Variants in MDN1 observed in about 807,000 individuals in gnomAD.
MDN1 encodes midasin.
A neutral mutation model predicts 669.2 loss-of-function variants in MDN1; 266 were observed. That is an observed-to-expected ratio of 0.40 (90% CI 0.36 to 0.44). The LOEUF is 0.44. Ranked by LOEUF, MDN1 falls within the 20% of genes least tolerant of loss-of-function variation. MDN1 has a pLI of 1.00. For missense variants in MDN1, 5,940 were observed against 6,754.0 expected, an observed-to-expected ratio of 0.88 and a Z score of 4.22; for synonymous variants, 2,385 against 2,457.1, an observed-to-expected ratio of 0.97 and a Z score of 0.87.
Position 89,688,634 on chromosome 6 carries a change from C to A in MDN1, c.11198G>T (p.Gly3733Val). 1 of 1,614,122 alleles carries A rather than the reference C, an allele frequency of 6.2e-7. No homozygotes were observed. The highest frequency in any genetic ancestry group is 8.5e-7 in the Non-Finnish European group (1 of 1,180,032). The change falls in exon 66 of 102, where the codon GGT becomes GTT. Residue 3733 changes from glycine (G) to valine (V), a missense_variant. Transcript: ENST00000369393. ...EARQCQPVLQGFSEAVSHLLQ... is the reference protein window; with the variant it reads ...EARQCQPVLQVFSEAVSHLLQ... ...CAAGTGACTGACAGCCTCTGAGAAACCTTGAAGCACAGGTTGACACTGCCG... is the reference window on the plus strand; with the variant it reads ...CAAGTGACTGACAGCCTCTGAGAAAACTTGAAGCACAGGTTGACACTGCCG...
chr6:89,802,215 C>T (rs904485785), intron 2 of MDN1, among the ~76,000 whole-genome samples: 1 of 152,132 alleles, frequency 6.6e-6, no homozygotes, highest in Non-Finnish European at 1.5e-5. Context: ...TTCCATTAAA[C>T]CAGGTCCATT....
In MDN1 at chr6:89,780,231, G is replaced by T. The variant is rs553316949; in HGVS notation, c.1706C>A (p.Ser569Ter). The change falls in exon 11 of 102, where the codon TCA becomes TAA. Residue 569 changes from serine to a stop codon, truncating the protein, a stop_gained. Transcript: ENST00000369393. LOFTEE classifies it high-confidence loss of function. ...TCTTACCTCTTGAAAAATATTTAAT[G>T]ATGCTGATAAAGATGAACTGTCAAA... Reference protein sequence around the residue: ...HSFDSSSLSASLNIFQEALDC... With the variant: ...HSFDSSSLSA 1 of 1,572,888 alleles carries T rather than the reference G, an allele frequency of 6.4e-7. No homozygotes were observed. The highest frequency in any genetic ancestry group is 1.4e-5 in the African/African-American group (1 of 72,752).
rs558208698 is a variant in MDN1, at chr6:89,680,625, G to A, written c.12229C>T (p.Leu4077=). ...MCLTFMKESP[L]PRLVEGLDQF... ...TCAAGGCCCTCCACAAGGCGAGGCA[G>A]GGGGCTCTCCTTCATGAACGTCAGG... is the stretch of plus-strand genomic sequence containing the variant. The change falls in exon 74 of 102, where the codon CTG becomes TTG. Residue 4077 remains leucine (L), a synonymous_variant. Coordinates refer to ENST00000369393, the MANE Select transcript of MDN1 (RefSeq NM_014611.3). The A allele has an allele frequency of 4.7e-5, 76 of 1,614,040 alleles. No individual in the cohort carries two copies. The highest frequency in any genetic ancestry group is 6.0e-5 in the Non-Finnish European group (71 of 1,180,032).
intron 45 of MDN1, among the ~76,000 whole-genome samples, chr6:89,715,116 A>G (rs1814260286): frequency 6.6e-6 from 1 of 152,196 alleles, no homozygotes; most frequent in Non-Finnish European, 1.5e-5. Flanking sequence ...ATGCCCATCA[A>G]CATCTCCATC....
Position 89,674,552 on chromosome 6 carries a change from G to C in MDN1, c.12799C>G (p.Leu4267Val), listed in dbSNP as rs767202357. 6 of 1,592,470 alleles carry C rather than the reference G, an allele frequency of 3.8e-6. No individual in the cohort carries two copies. Among genetic ancestry groups the C allele is most frequent in the Non-Finnish European group, 3.4e-6 (4 of 1,174,270 alleles). ...ACGGGGTAGGCCTGGGGCCCCATCA[G>C]CCTGCTGTGAATCTCTTGCACACAG... ...LSCVQEIHSR[L>V]MGPQAYPVAF... Residue 4267 changes from leucine to valine, a missense_variant, in exon 79 of 102, where the codon CTG (leucine) becomes GTG (valine). Leu to Val is a conservative substitution (Grantham distance 32). Around this residue, in one of 5 missense-constraint regions of MDN1, gnomAD observed 2,280 missense variants for 2,576.3 expected, o/e 0.88. Coordinates refer to ENST00000369393, the MANE Select transcript of MDN1 (RefSeq NM_014611.3).
In MDN1 at chr6:89,650,189, A is replaced by G. The variant is rs1808753427; in HGVS notation, c.16041T>C (p.Tyr5347=). 2 of 1,613,820 alleles carry G rather than the reference A, an allele frequency of 1.2e-6. No homozygotes were observed. Among genetic ancestry groups the G allele is most frequent in the African/African-American group, 2.7e-5 (2 of 74,920 alleles). The change falls in exon 97 of 102, where the codon TAT becomes TAC. Residue 5347 remains tyrosine (Y), a synonymous_variant. Coordinates refer to ENST00000369393, the MANE Select transcript of MDN1 (RefSeq NM_014611.3). The part of the protein sequence containing the change: ...PTQAAKLKGD[Y]RTGKRLNIRK... The stretch of plus-strand genomic sequence containing the variant: ...GTATGTTTAGTCGTTTCCCAGTTCG[A>G]TAGTCTCCTCTATTTATTCAAATGG...
intron 43 of MDN1, among the ~76,000 whole-genome samples, chr6:89,717,997 T>C (rs1470658759): frequency 6.6e-6 from 1 of 152,192 alleles, no homozygotes; most frequent in Non-Finnish European, 1.5e-5. Flanking sequence ...CACAAATGAA[T>C]AAACACATCC....
chr6:89,646,292 C>G (rs1808486330), intron 100 of MDN1, among the ~76,000 whole-genome samples: 1 of 152,180 alleles, frequency 6.6e-6, no homozygotes, highest in Admixed American at 6.5e-5. Flanking sequence ...TAAATCTGAA[C>G]TCAAGTAAGT....
At chr6:89,732,465 G>GTA in intron 34 of MDN1, 92 bp downstream of exon 34, 1 of 1,072,986 alleles carries the variant, frequency 9.3e-7, no homozygotes, top group Non-Finnish European at 1.4e-6. Context: ...AAGTGATTCA[G>GTA]TAAAATAGCT....
intron 67 of MDN1, 34 bp from the exon 68 acceptor site, chr6:89,687,472 T>A (rs778833599): frequency 6.3e-7 from 1 of 1,575,708 alleles, no homozygotes. Flanking sequence ...ACTACAGATA[T>A]TATTCAATGC....
In MDN1 at chr6:89,673,288, C is replaced by T. The variant is rs1810957212; in HGVS notation, c.13422G>A (p.Met4474Ile). The T allele has an allele frequency of 1.2e-6, 2 of 1,614,046 alleles. No individual in the cohort carries two copies. ...GGGTCTTCCAGGTAGTAAAGTCAGCCATGGCTTTACTAATTTCTCCTCTTA... is the reference window on the plus strand; with the variant it reads ...GGGTCTTCCAGGTAGTAAAGTCAGCTATGGCTTTACTAATTTCTCCTCTTA... ...EYVRGEISKAMADFTTWKTHL... is the reference protein window; with the variant it reads ...EYVRGEISKAIADFTTWKTHL... The change falls in exon 80 of 102, where the codon ATG (methionine) becomes ATA (isoleucine). Residue 4474 changes from methionine to isoleucine, a missense_variant. This residue lies in a region of MDN1 where 2,280 missense variants were observed against 2,576.3 expected (regional missense o/e 0.88). Transcript: ENST00000369393.
chr6:89,674,280 G>T lies in MDN1; in HGVS notation c.13071C>A (p.Ser4357Arg), dbSNP rs770155179. Residue 4357 changes from serine to arginine, a missense_variant, in exon 79 of 102, where the codon AGC becomes AGA. By Grantham distance (110) the Ser-to-Arg change is moderately radical. This residue lies in a region of MDN1 where 2,280 missense variants were observed against 2,576.3 expected (regional missense o/e 0.88). Coordinates refer to ENST00000369393, the MANE Select transcript of MDN1 (RefSeq NM_014611.3). ...GACTTCCAGGTATTGGAGATGGGTA[G>T]CTCAGATTGGAAGGAATTAGGTCCA... The part of the protein sequence containing the change: ...VVLDLIPSNL[S>R]YPSPIPGSQL... The T allele has an allele frequency of 1.2e-6, 2 of 1,614,248 alleles. No homozygotes were observed. Among genetic ancestry groups the T allele is most frequent in the South Asian group, 2.2e-5 (2 of 91,088 alleles).
intron 37 of MDN1, among the ~76,000 whole-genome samples, chr6:89,726,954 G>A (rs903528819): frequency 1.4e-4 from 22 of 151,996 alleles, no homozygotes; most frequent in African/African-American, 3.4e-4. Flanking sequence ...ATGTCTTGTC[G>A]TCCCTGAATG....
At position 89,768,734 on chromosome 6, in the gene MDN1, C is replaced by G. The variant is rs4706351; in HGVS notation, c.2144+2827G>C. On this transcript the variant is annotated intron_variant, in intron 15 of 101. Coordinates refer to ENST00000369393, the MANE Select transcript of MDN1 (RefSeq NM_014611.3). ...GCTGGGCAACAGAGTGAGACCCTGTCCCCCCCCAAAAAAAGAGTTAAAATT... is the reference window on the plus strand; with the variant it reads ...GCTGGGCAACAGAGTGAGACCCTGTGCCCCCCCAAAAAAAGAGTTAAAATT... 7.9e-5 allele frequency among the ~76,000 whole-genome samples: 12 copies of G among 151,386 alleles called. No individual in the cohort carries two copies. The South Asian group carries it at 1.3e-3, about 16-fold the overall frequency.
Position 89,712,468 on chromosome 6 carries a change from T to C in MDN1, c.7430+107A>G, listed in dbSNP as rs1392226458. 3.4e-6 allele frequency: 4 copies of C among 1,169,490 alleles called. No individual in the cohort carries two copies. The Admixed American group carries it at 7.5e-5, about 22-fold the overall frequency. The allele number at this position is 1,169,490 out of a possible 1,614,324, so 72.4% of individuals were successfully genotyped here. A position where few individuals can be genotyped will look rare whatever the true frequency, so the allele number is the denominator to read the frequency against. On this transcript the variant is annotated intron_variant, in intron 48 of 101. Coordinates refer to ENST00000369393, the MANE Select transcript of MDN1 (RefSeq NM_014611.3). ...CAATAAAACTATGACAGCTACACAATAAATGGCCACAGAATGCTCCAGTTA... is the reference window on the plus strand; with the variant it reads ...CAATAAAACTATGACAGCTACACAACAAATGGCCACAGAATGCTCCAGTTA...
At chr6:89,798,861 T>G (rs13202058) in intron 2 of MDN1, among the ~76,000 whole-genome samples, 11,105 of 152,256 alleles carry the variant, frequency 0.073, 599 homozygotes, top group Non-Finnish European at 0.12. Flanking sequence ...GGGTATGATT[T>G]CAGGGTGGAG....
intron 27 of MDN1, among the ~76,000 whole-genome samples, chr6:89,746,630 A>T (rs1816647096): frequency 6.7e-6 from 1 of 149,890 alleles, no homozygotes; most frequent in Non-Finnish European, 1.5e-5. Context: ...AAAGAAAGAA[A>T]GAAAGAAAGA....
chr6:89,658,486 T>A, intron 89 of MDN1, 116 bp from the exon 90 acceptor site: 1 of 1,537,296 alleles, frequency 6.5e-7, no homozygotes. Context: ...AACAGAAACC[T>A]AGAACTCCTC....
intron 63 of MDN1, among the ~76,000 whole-genome samples, chr6:89,691,941 A>C (rs1392151854): frequency 1.3e-5 from 2 of 152,210 alleles, no homozygotes; most frequent in Non-Finnish European, 2.9e-5. Context: ...ATTTTTAATA[A>C]TTTAGAGTGT....
Sources: gnomAD v4.1 joint callset for allele counts (sites outside exome capture counted in the v4.1 genomes callset) on GRCh38, gnomAD v4.1.1 for gene constraint, gnomAD v4.1.1 regional missense constraint, MANE v1.5 for transcripts, NCBI Gene and HGNC (gene_info 2026-07-23, HGNC 2026-07-21) for gene names.